CDC73: variants seen among roughly 807,000 people sequenced by gnomAD.
CDC73 encodes the protein parafibromin.
Under a neutral mutation model 83.7 loss-of-function variants are expected in CDC73, and 21 were observed. The ratio of observed to expected loss-of-function variants is 0.25; its 90% CI spans 0.18 to 0.36. CDC73 has a LOEUF of 0.36. CDC73 is among the 10% of genes least tolerant of loss of function. CDC73 has a pLI of 1.00. For synonymous variants in CDC73, 224 were observed against 212.9 expected, an observed-to-expected ratio of 1.05 and a Z score of -0.45; for missense variants, 342 against 653.3, an observed-to-expected ratio of 0.52 and a Z score of 5.19.
At position 193,129,487 on chromosome 1, in the gene CDC73, AATTT is replaced by A. The variant is rs67384798; in HGVS notation, c.238-653_238-650del. ...ATATCTTCCTGGAATTTCAAAAAGA[AATTT>A]ATTTATTTATTTATTTATTTATTTA... On this transcript the variant is annotated intron_variant, in intron 2 of 16. Transcript: ENST00000367435. Among the ~76,000 whole-genome samples the A allele has an allele frequency of 3.2e-3, 456 of 142,874 alleles. 3 individuals carry two copies. Among genetic ancestry groups the A allele is most frequent in the African/African-American group, 7.7e-3 (298 of 38,470 alleles). The allele number at this position is 142,874 out of a possible 152,430, so 93.7% of individuals were successfully genotyped here.
At chr1:193,190,803 A>G (rs983168511) in intron 10 of CDC73, among the ~76,000 whole-genome samples, 2 of 152,210 alleles carry the variant, frequency 1.3e-5, no homozygotes, top group Admixed American at 6.5e-5. Context: ...CAGCTGTTTC[A>G]GTCAGGAATA....
chr1:193,192,967 G>C lies in CDC73; in HGVS notation c.973-10828G>C, dbSNP rs146615418. ...CTGTTAACTCAAGGTAAGAGAATTA[G>C]GCTGCTTTCAGCCATAACCCTATCC... On this transcript the variant is annotated intron_variant, in intron 10 of 16. Transcript: ENST00000367435. Among the ~76,000 whole-genome samples, 1,433 of 152,302 alleles carry C rather than the reference G, an allele frequency of 9.4e-3. 15 individuals carry two copies. The highest frequency in any genetic ancestry group is 0.034 in the South Asian group (164 of 4,826).
In CDC73 at chr1:193,231,829, G is replaced by A. The variant is rs1293156904; in HGVS notation, c.1155-1164G>A. Among the ~76,000 whole-genome samples the A allele has an allele frequency of 2.0e-5, 3 of 152,194 alleles. No homozygotes were observed. The South Asian group carries it at 6.2e-4, about 32-fold the overall frequency. On this transcript the variant is annotated intron_variant, in intron 13 of 16. Transcript: ENST00000367435. ...AACTCTAATTAGTGCAAGTTCTCCT[G>A]TGCTTTTTGGTCCTTTCACCCTTTC...
intron 10 of CDC73, among the ~76,000 whole-genome samples, chr1:193,167,568 C>A (rs1369265089): frequency 1.3e-5 from 2 of 152,150 alleles, no homozygotes; most frequent in African/African-American, 4.8e-5. Context: ...CTGCTTTAAT[C>A]AAATCAAATT....
At chr1:193,150,255 G>A in intron 8 of CDC73, 49 bp from the exon 9 acceptor site, 2 of 1,317,584 alleles carry the variant, frequency 1.5e-6, no homozygotes, top group Non-Finnish European at 2.2e-6. Flanking sequence ...CATTAAATAA[G>A]TGACATTTAA....
intron 10 of CDC73, among the ~76,000 whole-genome samples, chr1:193,156,384 TATAG>T (rs1676208438): frequency 3.3e-5 from 5 of 152,352 alleles, no homozygotes; most frequent in Admixed American, 3.3e-4. Context: ...ACCCTGCAAT[TATAG>T]AGATTAAAAG....
rs878855089 is a variant in CDC73 at position 193,122,335 on chromosome 1, A to G, written c.131+4A>G. 1 of 1,613,974 alleles carries G rather than the reference A, an allele frequency of 6.2e-7. No individual in the cohort carries two copies. Among genetic ancestry groups the G allele is most frequent in the African/African-American group, 1.3e-5 (1 of 74,928 alleles). On this transcript the variant is annotated splice_donor_region_variant and intron_variant, in intron 1 of 16. Coordinates refer to ENST00000367435, the MANE Select transcript of CDC73 (RefSeq NM_024529.5). ...AGACCAACTATGTTGTTTGGGGGTA[A>G]GTCCGGCATGGCTGTGGCCCAGGGG...
chr1:193,148,339 C>G (rs372346941), intron 8 of CDC73, among the ~76,000 whole-genome samples: 75 of 152,280 alleles, frequency 4.9e-4, no homozygotes, highest in African/African-American at 1.7e-3. Flanking sequence ...GGCATTGTAT[C>G]TATTACATCT....
intron 10 of CDC73, among the ~76,000 whole-genome samples, chr1:193,175,173 A>C (rs1275678245): frequency 6.6e-6 from 1 of 152,212 alleles, no homozygotes. Flanking sequence ...CCATTGAAGC[A>C]GTGGGATGGC....
chr1:193,249,971 T>A, intron 16 of CDC73, 100 bp downstream of exon 16: 1 of 1,067,582 alleles, frequency 9.4e-7, no homozygotes. Context: ...TATTCCCTAA[T>A]TCCCTTCTTT....
chr1:193,138,311 G>C (rs1489833266), intron 6 of CDC73, 138 bp downstream of exon 6: 2 of 704,810 alleles, frequency 2.8e-6, no homozygotes, highest in Non-Finnish European at 2.6e-6. Context: ...AAGTTCGTAA[G>C]AACATGTGTG....
In CDC73 at chr1:193,180,737, T is replaced by C. The variant is rs1430776173; in HGVS notation, c.973-23058T>C. On this transcript the variant is annotated intron_variant, in intron 10 of 16. Coordinates refer to ENST00000367435, the MANE Select transcript of CDC73 (RefSeq NM_024529.5). Reference sequence around the variant, plus strand: ...CGCATTAGGTAACCAGTGAAATAGTTATGTCTGGGAGGCAGATCTGGCTTC... The same window carrying C: ...CGCATTAGGTAACCAGTGAAATAGTCATGTCTGGGAGGCAGATCTGGCTTC... 7 of 1,613,980 alleles carry C rather than the reference T, an allele frequency of 4.3e-6. No individual in the cohort carries two copies. In the African/African-American group the frequency reaches 9.3e-5, roughly 22 times the overall value.
intron 13 of CDC73, among the ~76,000 whole-genome samples, chr1:193,223,974 T>C: frequency 6.6e-6 from 1 of 152,076 alleles, no homozygotes; most frequent in Middle Eastern, 3.4e-3. Flanking sequence ...AGATATATAT[T>C]ACCTTAAACA....
Position 193,242,405 on chromosome 1 carries a change from T to G in CDC73, c.1417+6049T>G, listed in dbSNP as rs189367778. On this transcript the variant is annotated intron_variant, in intron 15 of 16. Coordinates refer to ENST00000367435, the MANE Select transcript of CDC73 (RefSeq NM_024529.5). ...GACCATTAGGGGTCTCTCACCCTTA[T>G]CTCACTGGTGAGCCCATCCTGGCTT... Among the ~76,000 whole-genome samples, 274 of 152,336 alleles carry G rather than the reference T, an allele frequency of 1.8e-3. 1 individual carries two copies. Among genetic ancestry groups the G allele is most frequent in the African/African-American group, 6.3e-3 (260 of 41,584 alleles).
intron 10 of CDC73, among the ~76,000 whole-genome samples, chr1:193,174,039 T>TGG (rs1338589409): frequency 1.3e-5 from 2 of 152,146 alleles, no homozygotes; most frequent in African/African-American, 4.8e-5. Context: ...AAGAGATTAA[T>TGG]GAAAATAAAA....
intron 10 of CDC73, among the ~76,000 whole-genome samples, chr1:193,177,876 T>A (rs981866348): frequency 6.6e-6 from 1 of 152,238 alleles, no homozygotes; most frequent in Non-Finnish European, 1.5e-5. Context: ...TCACCACTTA[T>A]ATACTTGATC....
rs544986367 is a variant in CDC73, at chr1:193,253,344, A to G, written c.*2632A>G. The G allele has an allele frequency of 2.2e-5, 5 of 232,408 alleles. No individual in the cohort carries two copies. Among genetic ancestry groups the G allele is most frequent in the Admixed American group, 1.1e-4 (2 of 17,746 alleles). The allele number at this position is 232,408 out of a possible 1,614,324, so 14.4% of individuals were successfully genotyped here. ...TCACTGGTTTAATTTGTTATTGAAA[A>G]CAGTACCAGTATTAAATGTGTTTCC... On this transcript the variant is annotated 3_prime_UTR_variant, in exon 17 of 17. Coordinates refer to ENST00000367435, the MANE Select transcript of CDC73 (RefSeq NM_024529.5).
At position 193,122,183 on chromosome 1, in the gene CDC73, G is replaced by T; in HGVS notation, c.-18G>T. ...GCAGCGGCGGCGCCCCGAGCCGGCG[G>T]AGGCGAGGGGGGGGAAGATGGCGGA... On this transcript the variant is annotated 5_prime_UTR_variant, in exon 1 of 17. Transcript: ENST00000367435. 6.2e-7 allele frequency: 1 copy of T among 1,612,202 alleles called. No homozygotes were observed. The highest frequency in any genetic ancestry group is 8.5e-7 in the Non-Finnish European group (1 of 1,178,630).
At chr1:193,242,032 C>T (rs188547387) in intron 15 of CDC73, among the ~76,000 whole-genome samples, 32 of 152,318 alleles carry the variant, frequency 2.1e-4, no homozygotes, top group South Asian at 6.2e-4. Flanking sequence ...CTTTTAAATA[C>T]GTGACTGTTG....
Sources: allele counts gnomAD v4.1 joint callset (sites outside exome capture counted in the v4.1 genomes callset), GRCh38; gene constraint gnomAD v4.1.1; transcripts MANE v1.5; gene names NCBI Gene and HGNC (gene_info 2026-07-23, HGNC 2026-07-21).